CDIN1: variants seen among roughly 807,000 people sequenced by gnomAD.
CDIN1 encodes CDAN1-interacting nuclease 1.
A neutral mutation model predicts 45.3 loss-of-function variants in CDIN1; 33 were observed. That is an observed-to-expected ratio of 0.73 (90% CI 0.55 to 0.97). The LOEUF (loss-of-function observed/expected upper bound fraction) is 0.97, where lower values mean the gene tolerates loss of function less well. CDIN1 is among the 50% of genes least tolerant of loss of function. The pLI is 0.00. For missense variants in CDIN1, 303 were observed against 339.4 expected, an observed-to-expected ratio of 0.89 and a Z score of 0.84; for synonymous variants, 118 against 124.4, an observed-to-expected ratio of 0.95 and a Z score of 0.34.
In CDIN1 at chr15:36,654,507, G is replaced by A. The variant is rs534683697; in HGVS notation, c.273+349G>A. Among the ~76,000 whole-genome samples the A allele has an allele frequency of 6.6e-5, 8 of 121,146 alleles. No homozygotes were observed. In the South Asian group the frequency reaches 1.8e-3, roughly 28 times the overall value. The allele number at this position is 121,146 out of a possible 152,430, so 79.5% of individuals were successfully genotyped here. A position where few individuals can be genotyped will look rare whatever the true frequency, so the allele number is the denominator to read the frequency against. On this transcript the variant is annotated intron_variant, in intron 4 of 10. Coordinates refer to ENST00000566621, the MANE Select transcript of CDIN1 (RefSeq NM_001321759.2). ...AAATACCTGTGTCAAGTAAAGAGAT[G>A]GATGCCAAAAAAAAAAAAAAAAAAA... is the stretch of plus-strand genomic sequence containing the variant.
At chr15:36,662,188 C>T (rs1376070768) in intron 5 of CDIN1, among the ~76,000 whole-genome samples, 1 of 151,982 alleles carries the variant, frequency 6.6e-6, no homozygotes, top group Non-Finnish European at 1.5e-5. Context: ...TGGGATAGAC[C>T]GAGGTTAATA....
chr15:36,722,949 A>C (rs2043479660), intron 10 of CDIN1, among the ~76,000 whole-genome samples: 1 of 122,890 alleles, frequency 8.1e-6, no homozygotes, highest in African/African-American at 3.0e-5. Flanking sequence ...AGTCAATTAC[A>C]TTCACTTGTG....
At chr15:36,655,046 G>A (rs1192455614) in intron 4 of CDIN1, among the ~76,000 whole-genome samples, 1 of 152,158 alleles carries the variant, frequency 6.6e-6, no homozygotes, top group Non-Finnish European at 1.5e-5. Context: ...TCGGTACTGT[G>A]AGCATTAAGT....
chr15:36,645,982 T>C (rs4923722), intron 3 of CDIN1, among the ~76,000 whole-genome samples: 145,142 of 152,146 alleles, frequency 0.95, 69,236 homozygotes, highest in East Asian at 1. Context: ...TTTTTTTATT[T>C]TAAAATTTGT....
chr15:36,676,141 T>C (rs2140574198), intron 5 of CDIN1, among the ~76,000 whole-genome samples: 1 of 152,290 alleles, frequency 6.6e-6, no homozygotes, highest in East Asian at 1.9e-4. Context: ...CCAGGAAATG[T>C]TTCTTTCAGC....
At chr15:36,773,822 C>T (rs2054139593) in intron 10 of CDIN1, among the ~76,000 whole-genome samples, 2 of 152,044 alleles carry the variant, frequency 1.3e-5, no homozygotes, top group Admixed American at 1.3e-4. Flanking sequence ...AGGGATAAAC[C>T]CTTCAGGGTG....
chr15:36,621,890 C>T (rs1269707305), intron 1 of CDIN1, among the ~76,000 whole-genome samples: 1 of 92,506 alleles, frequency 1.1e-5, no homozygotes, highest in African/African-American at 5.3e-5. Context: ...TTTTTTCCTC[C>T]AAGGGCTTTT....
chr15:36,607,375 G>A (rs1237530197), intron 1 of CDIN1, among the ~76,000 whole-genome samples: 2 of 152,108 alleles, frequency 1.3e-5, no homozygotes, highest in South Asian at 2.1e-4. Flanking sequence ...ATACGAGGAG[G>A]TAATTTTACA....
chr15:36,633,280 AG>A (rs1486306520), intron 1 of CDIN1, among the ~76,000 whole-genome samples: 1 of 152,052 alleles, frequency 6.6e-6, no homozygotes, highest in African/African-American at 2.4e-5. Context: ...TTTGATTTTT[AG>A]TTTTTTGATG....
intron 5 of CDIN1, among the ~76,000 whole-genome samples, chr15:36,675,023 T>C (rs2140565679): frequency 6.6e-6 from 1 of 152,180 alleles, no homozygotes; most frequent in African/African-American, 2.4e-5. Flanking sequence ...TCAACCCTTT[T>C]TCCCCTCATA....
At chr15:36,785,673 C>T (rs1397807275) in intron 10 of CDIN1, among the ~76,000 whole-genome samples, 2 of 152,200 alleles carry the variant, frequency 1.3e-5, no homozygotes, top group Admixed American at 6.5e-5. Context: ...AAACTATTCT[C>T]GTTACCTTGT....
intron 10 of CDIN1, among the ~76,000 whole-genome samples, chr15:36,803,584 C>T (rs2055121315): frequency 6.6e-6 from 1 of 152,170 alleles, no homozygotes; most frequent in East Asian, 1.9e-4. Context: ...AGGCCGCTCA[C>T]TCCATGTTTT....
At chr15:36,700,390 G>A (rs1355876087) in intron 8 of CDIN1, among the ~76,000 whole-genome samples, 1 of 151,984 alleles carries the variant, frequency 6.6e-6, no homozygotes, top group Non-Finnish European at 1.5e-5. Context: ...TGATTGTCTC[G>A]ATAATGAAAA....
Position 36,605,982 on chromosome 15 carries a change from C to G in CDIN1, c.101+26021C>G, listed in dbSNP as rs1263302304. On this transcript the variant is annotated intron_variant, in intron 1 of 10. Coordinates refer to ENST00000566621, the MANE Select transcript of CDIN1 (RefSeq NM_001321759.2). ...GATTGTAGAAGTGGGAATTTGACCT[C>G]TAGCTTATCACTTGCTTCATTAGCG... Among the ~76,000 whole-genome samples the G allele has an allele frequency of 7.2e-5, 11 of 152,188 alleles. No individual in the cohort carries two copies. The East Asian group carries it at 1.9e-3, about 27-fold the overall frequency.
At chr15:36,760,644 C>T (rs1233268705) in intron 10 of CDIN1, among the ~76,000 whole-genome samples, 1 of 152,204 alleles carries the variant, frequency 6.6e-6, no homozygotes, top group Admixed American at 6.6e-5. Flanking sequence ...CTCCATCCCG[C>T]ACCTGAGGCC....
chr15:36,731,183 CAGTT>C (rs1400559942), intron 10 of CDIN1, among the ~76,000 whole-genome samples: 1 of 152,046 alleles, frequency 6.6e-6, no homozygotes, highest in Admixed American at 6.6e-5. Context: ...AAGCCATCAG[CAGTT>C]AAAGAAAGTG....
chr15:36,770,413 AAC>A (rs1288136605), intron 10 of CDIN1, among the ~76,000 whole-genome samples: 6 of 148,674 alleles, frequency 4.0e-5, no homozygotes, highest in South Asian at 2.1e-4. Context: ...CTTCTTAAAA[AAC>A]ACAATCTCTT....
At chr15:36,701,259 A>G (rs2042634593) in intron 8 of CDIN1, among the ~76,000 whole-genome samples, 2 of 152,114 alleles carry the variant, frequency 1.3e-5, no homozygotes, top group South Asian at 2.1e-4. Context: ...TCAACGTTAA[A>G]TTGAACCATA....
In CDIN1 at chr15:36,692,147, T is replaced by TA; in HGVS notation, c.449dup (p.Tyr150Ter). The change falls in exon 7 of 11, where the codon TAC becomes TAAC. Residue 150 changes from tyrosine to a stop codon, truncating the protein, a stop_gained and frameshift_variant. Transcript: ENST00000566621. LOFTEE classifies it high-confidence loss of function. ...VYQCIVNDCC[Y>*]GPLVDCIKHA... The stretch of plus-strand genomic sequence containing the variant: ...GCAGTGCATTGTGAACGACTGCTGT[T>TA]ACGGACCACTAGTGGACTGCATCAA... 6.2e-7 allele frequency: 1 copy of TA among 1,613,864 alleles called. No homozygotes were observed. Among genetic ancestry groups the TA allele is most frequent in the Non-Finnish European group, 8.5e-7 (1 of 1,179,846 alleles).
Sources: allele counts gnomAD v4.1 joint callset (sites outside exome capture counted in the v4.1 genomes callset), GRCh38; gene constraint gnomAD v4.1.1; transcripts MANE v1.5; gene names NCBI Gene and HGNC (gene_info 2026-07-23, HGNC 2026-07-21).